Variants in DCC observed in about 807,000 individuals in gnomAD.
The protein encoded by DCC is DCC netrin 1 receptor, also known as netrin receptor DCC.
In DCC, 58 loss-of-function variants were observed where a neutral mutation model predicts 172.5. The observed-to-expected ratio is 0.34, with a 90% CI of 0.27 to 0.42. The LOEUF is 0.42. Ranked by LOEUF, DCC falls within the 10% of genes least tolerant of loss-of-function variation. DCC has a pLI of 1.00. For missense variants in DCC, 1,740 were observed against 1,791.0 expected (o/e 0.97, Z 0.51); for synonymous variants, 709 against 644.5 (o/e 1.10, Z -1.52).
intron 1 of DCC, among the ~76,000 whole-genome samples, chr18:52,417,847 C>T: frequency 6.6e-6 from 1 of 152,200 alleles, no homozygotes; most frequent in East Asian, 1.9e-4. Flanking sequence ...GTAGTTTGAT[C>T]GTCTGAAGCC....
At position 53,530,834 on chromosome 18, in the gene DCC, A is replaced by C. The variant is rs2046517940; in HGVS notation, c.*181A>C. ...AATAAGCATTCCTTCTTTCACAGGC[A>C]TCAGGAATTGTCAAATGATGATTAT... On this transcript the variant is annotated 3_prime_UTR_variant, in exon 29 of 29. Coordinates refer to ENST00000442544, the MANE Select transcript of DCC (RefSeq NM_005215.4). 1.5e-6 allele frequency: 1 copy of C among 663,804 alleles called. No individual in the cohort carries two copies. The highest frequency in any genetic ancestry group is 2.7e-5 in the East Asian group (1 of 36,718). 41.1% of individuals were successfully genotyped at this position (663,804 alleles called of 1,614,324 possible). A position where few individuals can be genotyped will look rare whatever the true frequency, so the allele number is the denominator to read the frequency against.
intron 2 of DCC, among the ~76,000 whole-genome samples, chr18:52,819,723 A>AC (rs1448378649): frequency 1.3e-5 from 1 of 77,522 alleles, no homozygotes; most frequent in Non-Finnish European, 2.9e-5. Flanking sequence ...TAACTTGTGA[A>AC]CTTTTTTTTT....
chr18:52,865,389 G>C (rs2039207922), intron 2 of DCC, among the ~76,000 whole-genome samples: 1 of 152,052 alleles, frequency 6.6e-6, no homozygotes, highest in African/African-American at 2.4e-5. Context: ...GGTATTTCTG[G>C]TTCTAGATCC....
intron 5 of DCC, among the ~76,000 whole-genome samples, chr18:52,975,877 A>G (rs1425666762): frequency 6.6e-6 from 1 of 152,162 alleles, no homozygotes; most frequent in Non-Finnish European, 1.5e-5. Flanking sequence ...TATACGCAGT[A>G]GTAGGATTGC....
chr18:52,441,609 T>G (rs576746923), intron 1 of DCC, among the ~76,000 whole-genome samples: 2 of 152,298 alleles, frequency 1.3e-5, no homozygotes, highest in Admixed American at 1.3e-4. Flanking sequence ...TTCATCTTCT[T>G]CAGCCTGACA....
intron 7 of DCC, among the ~76,000 whole-genome samples, chr18:53,128,900 T>C (rs1472500295): frequency 2.2e-5 from 3 of 133,770 alleles, no homozygotes; most frequent in East Asian, 4.7e-4. Context: ...TATATATATA[T>C]ATATTATTTG....
intron 16 of DCC, among the ~76,000 whole-genome samples, chr18:53,387,306 T>C (rs1213645640): frequency 6.6e-6 from 1 of 152,222 alleles, no homozygotes; most frequent in African/African-American, 2.4e-5. Context: ...CTTTAGAAAA[T>C]ACTGTCACTA....
chr18:52,960,205 A>G (rs2040820382), intron 5 of DCC, among the ~76,000 whole-genome samples: 1 of 152,162 alleles, frequency 6.6e-6, no homozygotes, highest in Non-Finnish European at 1.5e-5. Flanking sequence ...TGTGTATATT[A>G]CAAACCTTGT....
intron 5 of DCC, among the ~76,000 whole-genome samples, chr18:52,954,544 A>C (rs2040710035): frequency 6.6e-6 from 1 of 152,158 alleles, no homozygotes; most frequent in Non-Finnish European, 1.5e-5. Flanking sequence ...GGTCTTAGGA[A>C]TACCCTCAGA....
chr18:53,060,954 G>A (rs1177083843), intron 5 of DCC, among the ~76,000 whole-genome samples: 1 of 152,064 alleles, frequency 6.6e-6, no homozygotes, highest in Non-Finnish European at 1.5e-5. Context: ...AAAAAAGCAA[G>A]AGGCTACATA....
At chr18:52,798,840 C>A (rs959683993) in intron 2 of DCC, among the ~76,000 whole-genome samples, 7 of 152,012 alleles carry the variant, frequency 4.6e-5, no homozygotes, top group Non-Finnish European at 1.5e-5. Context: ...GCAACCTCCC[C>A]CTCCCAGGTT....
At chr18:53,337,626 G>T (rs1478456845) in intron 14 of DCC, among the ~76,000 whole-genome samples, 1 of 151,788 alleles carries the variant, frequency 6.6e-6, no homozygotes, top group Non-Finnish European at 1.5e-5. Context: ...TTCCCTTTTT[G>T]CCCACAAAGG....
At chr18:52,885,575 T>C (rs114502097) in intron 2 of DCC, among the ~76,000 whole-genome samples, 2,620 of 152,236 alleles carry the variant, frequency 0.017, 56 homozygotes, top group African/African-American at 0.046. Flanking sequence ...GTCTGGACAA[T>C]GGCAGGTCCA....
At chr18:53,527,550 A>G (rs1358875141) in intron 28 of DCC, among the ~76,000 whole-genome samples, 1 of 152,052 alleles carries the variant, frequency 6.6e-6, no homozygotes, top group Non-Finnish European at 1.5e-5. Flanking sequence ...TAAGTAATAC[A>G]AAAAGGAAAT....
At chr18:52,633,801 T>C (rs2144884878) in intron 1 of DCC, among the ~76,000 whole-genome samples, 1 of 152,292 alleles carries the variant, frequency 6.6e-6, no homozygotes, top group East Asian at 1.9e-4. Context: ...TTAGAAGGTA[T>C]AAGCATAAAA....
intron 1 of DCC, among the ~76,000 whole-genome samples, chr18:52,557,985 G>T (rs1598911923): frequency 6.6e-6 from 1 of 151,998 alleles, no homozygotes; most frequent in South Asian, 2.1e-4. Context: ...TGTTCATTTT[G>T]TTTTGCTTTA....
chr18:53,230,959 T>C (rs2056113073), intron 12 of DCC, among the ~76,000 whole-genome samples: 1 of 151,278 alleles, frequency 6.6e-6, no homozygotes, highest in Non-Finnish European at 1.5e-5. Context: ...GATATGTAGA[T>C]TTGCCTATTA....
At chr18:52,359,988 C>T (rs1984548659) in intron 1 of DCC, among the ~76,000 whole-genome samples, 6 of 152,102 alleles carry the variant, frequency 3.9e-5, no homozygotes, top group Admixed American at 3.9e-4. Context: ...TTAATTAAGT[C>T]TATGCTATAA....
chr18:52,485,968 A>G lies in DCC; in HGVS notation c.91+145090A>G, dbSNP rs17454734. ...AAAACAAAGACACTGGTATGTTTCT[A>G]TCCTTTCCCAGCTGATATTTATTTA... is the stretch of plus-strand genomic sequence containing the variant. On this transcript the variant is annotated intron_variant, in intron 1 of 28. Transcript: ENST00000442544. Among the ~76,000 whole-genome samples the G allele has an allele frequency of 3.5e-3, 529 of 152,172 alleles. 4 individuals are homozygous for G. The highest frequency in any genetic ancestry group is 0.012 in the African/African-American group (504 of 41,556).
Sources: gnomAD v4.1 joint callset for allele counts (sites outside exome capture counted in the v4.1 genomes callset) on GRCh38, gnomAD v4.1.1 for gene constraint, MANE v1.5 for transcripts, NCBI Gene and HGNC (gene_info 2026-07-23, HGNC 2026-07-21) for gene names.